The following RAB9B variants were observed in gnomAD, a reference collection of about 807,000 sequenced individuals.
RAB9B encodes the protein ras-related protein Rab-9B.
RAB9B carries 1 observed loss-of-function variant against 8.9 expected under a neutral mutation model. That is an observed-to-expected ratio of 0.11 (90% CI 0.04 to 0.53). RAB9B has a LOEUF of 0.53. Among genes scored for constraint, RAB9B ranks in the 20% least tolerant of loss-of-function variants. RAB9B has a pLI of 0.93. For missense variants in RAB9B, 82 were observed against 152.9 expected (o/e 0.54, Z 2.45); for synonymous variants, 63 against 57.0 (o/e 1.10, Z -0.47).
At chrX:103,819,994 G>A (rs1465769833), downstream of RAB9B, among the ~76,000 whole-genome samples, 7 of 112,067 alleles carry the variant, frequency 6.2e-5, no homozygotes, top group Admixed American at 2.8e-4. Flanking sequence ...CAAGGGTGAA[G>A]CCCTCATAAA....
the RAB9B span, among the ~76,000 whole-genome samples, chrX:103,805,943 G>A: frequency 9.1e-6 from 1 of 110,072 alleles, no homozygotes; most frequent in African/African-American, 3.3e-5. Flanking sequence ...TAATCTTTTT[G>A]TTTGATTGCT....
the RAB9B span, among the ~76,000 whole-genome samples, chrX:103,804,032 C>A: frequency 1.8e-5 from 2 of 112,241 alleles, no homozygotes; most frequent in African/African-American, 6.5e-5. Flanking sequence ...TTTCTTTTGT[C>A]GCTCTTGTTT....
At chrX:103,785,962 C>G in the RAB9B span, 166 of 712,134 alleles carry the variant, frequency 2.3e-4, no homozygotes, top group Non-Finnish European at 3.1e-4. Flanking sequence ...GTCTGCCTGC[C>G]TGCCTGTCAG....
chrX:103,779,940 G>C, the RAB9B span: 1 of 112,731 alleles, frequency 8.9e-6, no homozygotes, highest in African/African-American at 3.2e-5. Context: ...CAGGTCTAAA[G>C]AAGACCAAGT....
the RAB9B span, among the ~76,000 whole-genome samples, chrX:103,777,284 C>T: frequency 3.6e-5 from 4 of 111,630 alleles, no homozygotes; most frequent in Non-Finnish European, 7.5e-5. Context: ...TACCCCCTCA[C>T]TTCCCTCTAT....
the RAB9B span, among the ~76,000 whole-genome samples, chrX:103,797,371 C>T: frequency 8.9e-6 from 1 of 112,205 alleles, no homozygotes; most frequent in Non-Finnish European, 1.9e-5. Flanking sequence ...GCCACTGCTC[C>T]CAGCCCCAAG....
chrX:103,825,341 G>A lies in RAB9B; in HGVS notation c.444C>T (p.Tyr148=), dbSNP rs1387881521. The change falls in exon 3 of 3, where the codon TAC becomes TAT. Residue 148 remains tyrosine, a synonymous_variant. Transcript: ENST00000243298. ...CTTTGGCACTAGTTTCTAAATAAGG[G>A]TAATCCCCATTCTCCATGCACCAGG... The part of the protein sequence containing the change: ...AQTWCMENGD[Y]PYLETSAKDD... 2.5e-6 allele frequency: 3 copies of A among 1,211,279 alleles called. No individual in the cohort carries two copies.
downstream of RAB9B, among the ~76,000 whole-genome samples, chrX:103,821,407 C>G (rs780350450): frequency 2.8e-5 from 3 of 108,348 alleles, no homozygotes; most frequent in South Asian, 1.2e-3. Flanking sequence ...CCAATTTCAA[C>G]TGCCCAAAGT....
At chrX:103,799,758 T>A in the RAB9B span, among the ~76,000 whole-genome samples, 1 of 112,553 alleles carries the variant, frequency 8.9e-6, no homozygotes, top group African/African-American at 3.2e-5. Context: ...ATGCAACCAT[T>A]ACTCAGCTTC....
downstream of RAB9B, among the ~76,000 whole-genome samples, chrX:103,819,273 A>T (rs2074650895): frequency 8.9e-6 from 1 of 112,131 alleles, no homozygotes; most frequent in Non-Finnish European, 1.9e-5. Context: ...GGCAGGTCTG[A>T]TTAAAATTCA....
chrX:103,818,486 T>C (rs2074648174), downstream of RAB9B, among the ~76,000 whole-genome samples: 1 of 111,747 alleles, frequency 8.9e-6, no homozygotes, highest in Non-Finnish European at 1.9e-5. Context: ...AGAGTTAAGA[T>C]TGATATTAAG....
chrX:103,778,660 C>A, the RAB9B span, among the ~76,000 whole-genome samples: 1 of 111,454 alleles, frequency 9.0e-6, no homozygotes, highest in African/African-American at 3.3e-5. Context: ...GATAAGGGCA[C>A]GATTGAGGAT....
chrX:103,791,563 G>A, the RAB9B span: 1 of 112,126 alleles, frequency 8.9e-6, no homozygotes, highest in Non-Finnish European at 1.9e-5. Flanking sequence ...GTGTACTCTG[G>A]CCTCTGTCAT....
At chrX:103,781,206 C>T in the RAB9B span, 1 of 285,013 alleles carries the variant, frequency 3.5e-6, no homozygotes, top group Non-Finnish European at 7.1e-6. Context: ...TGAGGCGGGC[C>T]CAGGGCATGG....
the RAB9B span, among the ~76,000 whole-genome samples, chrX:103,801,767 C>T: frequency 8.0e-5 from 9 of 112,053 alleles, no homozygotes; most frequent in African/African-American, 2.9e-4. Flanking sequence ...AGTCTCTTTA[C>T]TTAACCACTG....
the RAB9B span, among the ~76,000 whole-genome samples, chrX:103,794,113 C>G: frequency 8.9e-6 from 1 of 111,767 alleles, no homozygotes; most frequent in African/African-American, 3.3e-5. Context: ...TCAAGGATCT[C>G]TCTCAGATTC....
chrX:103,795,415 A>T, the RAB9B span, among the ~76,000 whole-genome samples: 4 of 111,806 alleles, frequency 3.6e-5, no homozygotes, highest in Non-Finnish European at 7.5e-5. Flanking sequence ...TGGATCTTCT[A>T]TATATTATGT....
chrX:103,788,645 T>C, the RAB9B span: 1 of 594,039 alleles, frequency 1.7e-6, no homozygotes. Flanking sequence ...CTACAACATG[T>C]TGGCTAAGTG....
the RAB9B span, among the ~76,000 whole-genome samples, chrX:103,778,540 T>G: frequency 2.7e-5 from 3 of 111,275 alleles, no homozygotes; most frequent in South Asian, 1.2e-3. Context: ...TGAATATTAC[T>G]TCCTCAGGGG....
Sources: allele counts gnomAD v4.1 joint callset (sites outside exome capture counted in the v4.1 genomes callset), GRCh38; gene constraint gnomAD v4.1.1; transcripts MANE v1.5; gene names NCBI Gene and HGNC (gene_info 2026-07-23, HGNC 2026-07-21).